Variants in PRKCA observed in about 807,000 individuals in gnomAD.
PRKCA encodes the protein protein kinase C alpha type.
A neutral mutation model predicts 87.0 loss-of-function variants in PRKCA; 27 were observed. The observed-to-expected ratio is 0.31, with a 90% CI of 0.23 to 0.43. The LOEUF (loss-of-function observed/expected upper bound fraction) is 0.43, where lower values mean the gene tolerates loss of function less well. PRKCA is among the 20% of genes least tolerant of loss of function. The pLI is 1.00. For missense variants in PRKCA, 518 were observed against 852.3 expected (o/e 0.61, Z 4.88); for synonymous variants, 329 against 311.1 (o/e 1.06, Z -0.61).
intron 2 of PRKCA, among the ~76,000 whole-genome samples, chr17:66,460,848 A>T (rs896845315): frequency 6.6e-6 from 1 of 152,170 alleles, no homozygotes; most frequent in Non-Finnish European, 1.5e-5. Flanking sequence ...ACAGGTTTAT[A>T]AAACATCAGT....
chr17:66,465,236 A>G (rs780735352), intron 2 of PRKCA, among the ~76,000 whole-genome samples: 16 of 152,184 alleles, frequency 1.1e-4, no homozygotes, highest in Non-Finnish European at 2.2e-4. Context: ...CTTTAGTCCT[A>G]TGAGCTGTTT....
chr17:66,623,551 C>T (rs1424092458), intron 3 of PRKCA, among the ~76,000 whole-genome samples: 1 of 152,084 alleles, frequency 6.6e-6, no homozygotes, highest in Non-Finnish European at 1.5e-5. Context: ...AGGATTCATT[C>T]GTTTGACAGA....
At chr17:66,738,500 A>G (rs1204955609) in intron 10 of PRKCA, among the ~76,000 whole-genome samples, 1 of 152,246 alleles carries the variant, frequency 6.6e-6, no homozygotes, top group Non-Finnish European at 1.5e-5. Flanking sequence ...TTACTATAAT[A>G]GCATATGTAA....
intron 11 of PRKCA, among the ~76,000 whole-genome samples, chr17:66,739,732 G>C (rs1974115346): frequency 6.6e-6 from 1 of 151,970 alleles, no homozygotes; most frequent in Admixed American, 6.6e-5. Flanking sequence ...AGCTCAGCAG[G>C]TGTGGGAGAT....
chr17:66,437,915 C>T (rs1251134428), intron 2 of PRKCA, among the ~76,000 whole-genome samples: 1 of 151,618 alleles, frequency 6.6e-6, no homozygotes, highest in Non-Finnish European at 1.5e-5. Flanking sequence ...AACAGGTTCT[C>T]TTCATATTTG....
chr17:66,713,236 A>G (rs1273372031), intron 8 of PRKCA, among the ~76,000 whole-genome samples: 1 of 151,750 alleles, frequency 6.6e-6, no homozygotes, highest in Non-Finnish European at 1.5e-5. Context: ...ACTTTTTGTA[A>G]AGAAGGGGTT....
chr17:66,406,934 T>G (rs1366769360), intron 2 of PRKCA, among the ~76,000 whole-genome samples: 1 of 152,080 alleles, frequency 6.6e-6, no homozygotes, highest in East Asian at 1.9e-4. Context: ...GACACTTCCT[T>G]TCCAGGAAAT....
intron 3 of PRKCA, among the ~76,000 whole-genome samples, chr17:66,535,471 G>A (rs1166247395): frequency 6.6e-6 from 1 of 152,114 alleles, no homozygotes; most frequent in Non-Finnish European, 1.5e-5. Context: ...GCTCCATCTT[G>A]GACCCAAATT....
At chr17:66,558,784 C>T (rs891091219) in intron 3 of PRKCA, among the ~76,000 whole-genome samples, 3 of 152,060 alleles carry the variant, frequency 2.0e-5, no homozygotes, top group East Asian at 1.9e-4. Flanking sequence ...TGATGATACC[C>T]GCAGCTGGGG....
At chr17:66,331,450 A>C (rs1391798274) in intron 2 of PRKCA, among the ~76,000 whole-genome samples, 1 of 152,164 alleles carries the variant, frequency 6.6e-6, no homozygotes, top group East Asian at 1.9e-4. Context: ...ATGCTGTAGC[A>C]ACACATTAAT....
chr17:66,790,209 T>A (rs1405763318), intron 16 of PRKCA, among the ~76,000 whole-genome samples: 1 of 152,244 alleles, frequency 6.6e-6, no homozygotes, highest in East Asian at 1.9e-4. Context: ...CATGTGTGCC[T>A]CTGTGTCCTC....
chr17:66,682,485 A>G (rs1972518356), intron 5 of PRKCA, among the ~76,000 whole-genome samples: 2 of 152,268 alleles, frequency 1.3e-5, no homozygotes, highest in South Asian at 4.1e-4. Context: ...ATGAGCTGCA[A>G]TAGAAAAGCA....
Position 66,804,166 on chromosome 17 carries a change from G to T in PRKCA, c.*129G>T. The T allele has an allele frequency of 7.7e-7, 1 of 1,292,114 alleles. No individual in the cohort carries two copies. 80.0% of individuals were successfully genotyped at this position (1,292,114 alleles called of 1,614,324 possible). On this transcript the variant is annotated 3_prime_UTR_variant, in exon 17 of 17. Transcript: ENST00000413366. ...TCCATATGGAGGCCTGAAAATTGTAGGGTTATTAGTCCAAATGTGATCAAC... is the reference window on the plus strand; with the variant it reads ...TCCATATGGAGGCCTGAAAATTGTATGGTTATTAGTCCAAATGTGATCAAC...
At chr17:66,698,771 C>T (rs1055258311) in intron 8 of PRKCA, among the ~76,000 whole-genome samples, 4 of 147,192 alleles carry the variant, frequency 2.7e-5, no homozygotes, top group South Asian at 2.2e-4. Context: ...GCCAGGAATT[C>T]GAGACCAGCC....
intron 3 of PRKCA, among the ~76,000 whole-genome samples, chr17:66,624,786 T>TCAAA (rs1302026379): frequency 8.7e-5 from 9 of 103,380 alleles, no homozygotes; most frequent in African/African-American, 3.7e-4. Flanking sequence ...AGACTCCATC[T>TCAAA]CAAATAAATA....
At chr17:66,377,613 G>T (rs1355589920) in intron 2 of PRKCA, among the ~76,000 whole-genome samples, 1 of 137,194 alleles carries the variant, frequency 7.3e-6, no homozygotes, top group Admixed American at 7.7e-5. Flanking sequence ...TATATATAAT[G>T]TCTATATTAT....
At chr17:66,623,007 G>A (rs1199485799) in intron 3 of PRKCA, among the ~76,000 whole-genome samples, 1 of 152,246 alleles carries the variant, frequency 6.6e-6, no homozygotes, top group Non-Finnish European at 1.5e-5. Context: ...TTTGTGAGTT[G>A]AATATAGGCT....
chr17:66,785,162 C>G (rs945919770), intron 14 of PRKCA, among the ~76,000 whole-genome samples: 9 of 152,142 alleles, frequency 5.9e-5, no homozygotes, highest in Admixed American at 1.3e-4. Flanking sequence ...ATCTTTCCCT[C>G]AGGGCACGTG....
At chr17:66,658,794 A>G (rs1971807170) in intron 5 of PRKCA, among the ~76,000 whole-genome samples, 1 of 152,176 alleles carries the variant, frequency 6.6e-6, no homozygotes, top group Non-Finnish European at 1.5e-5. Context: ...TGACAAATTA[A>G]CTCTTTCAGT....
Sources: allele counts gnomAD v4.1 joint callset (sites outside exome capture counted in the v4.1 genomes callset), GRCh38; gene constraint gnomAD v4.1.1; transcripts MANE v1.5; gene names NCBI Gene and HGNC (gene_info 2026-07-23, HGNC 2026-07-21).